The following SAMMSON variants were observed in gnomAD, a reference collection of about 807,000 sequenced individuals.
SAMMSON encodes the protein long intergenic non-protein coding RNA 1212.
chr3:70,049,307 C>T (rs779540654), intron 3 of SAMMSON, among the ~76,000 whole-genome samples: 1 of 152,080 alleles, frequency 6.6e-6, no homozygotes, highest in South Asian at 2.1e-4. Flanking sequence ...CCAGCCTTTT[C>T]CTGGGTGGCC....
intron 4 of SAMMSON, among the ~76,000 whole-genome samples, chr3:70,184,802 G>A (rs1270152109): frequency 2.0e-5 from 3 of 152,172 alleles, no homozygotes; most frequent in African/African-American, 7.2e-5. Flanking sequence ...TCCTGAAACA[G>A]AAGGCAAAAT....
At chr3:70,250,524 A>G (rs1701754703) in intron 6 of SAMMSON, among the ~76,000 whole-genome samples, 2 of 152,118 alleles carry the variant, frequency 1.3e-5, no homozygotes, top group South Asian at 4.1e-4. Flanking sequence ...TTTTAGATAA[A>G]TATTTTCAAC....
chr3:70,102,630 A>T (rs1022402674), intron 4 of SAMMSON, among the ~76,000 whole-genome samples: 3 of 152,102 alleles, frequency 2.0e-5, no homozygotes, highest in African/African-American at 7.2e-5. Flanking sequence ...TGGGTAAAGG[A>T]GGGAGAATTC....
chr3:70,298,341 C>T (rs1298152967), intron 7 of SAMMSON, among the ~76,000 whole-genome samples: 1 of 152,028 alleles, frequency 6.6e-6, no homozygotes, highest in African/African-American at 2.4e-5. Flanking sequence ...AATAAGATTT[C>T]CACTTCTCTC....
chr3:70,118,815 A>C (rs1331085124), intron 4 of SAMMSON, among the ~76,000 whole-genome samples: 1 of 152,158 alleles, frequency 6.6e-6, no homozygotes, highest in Non-Finnish European at 1.5e-5. Context: ...TCAGAAGTTA[A>C]GTAACCTGCC....
intron 6 of SAMMSON, among the ~76,000 whole-genome samples, chr3:70,285,567 A>C (rs1354049892): frequency 6.6e-6 from 1 of 151,930 alleles, no homozygotes; most frequent in Non-Finnish European, 1.5e-5. Flanking sequence ...CTTTGGGTAT[A>C]TACCCAGTAA....
intron 6 of SAMMSON, among the ~76,000 whole-genome samples, chr3:70,274,093 G>A (rs1207505727): frequency 1.7e-5 from 2 of 119,888 alleles, no homozygotes; most frequent in Non-Finnish European, 3.6e-5. Context: ...GTGTGTGTGC[G>A]CGCGCGCATG....
At chr3:70,304,097 G>T (rs1364810228) in intron 7 of SAMMSON, among the ~76,000 whole-genome samples, 1 of 152,108 alleles carries the variant, frequency 6.6e-6, no homozygotes, top group Non-Finnish European at 1.5e-5. Context: ...ATGTCAACCA[G>T]GGTCTATGAA....
intron 7 of SAMMSON, among the ~76,000 whole-genome samples, chr3:70,301,626 A>G (rs1330676521): frequency 3.9e-5 from 6 of 152,118 alleles, no homozygotes; most frequent in Non-Finnish European, 7.4e-5. Flanking sequence ...TGTTTTATCA[A>G]TCTGCGTTTG....
intron 2 of SAMMSON, among the ~76,000 whole-genome samples, chr3:70,413,116 C>T (rs927005234): frequency 3.9e-5 from 6 of 151,930 alleles, no homozygotes; most frequent in Non-Finnish European, 7.4e-5. Context: ...AATCACAATA[C>T]CAAACAAGTG....
chr3:70,199,438 T>A (rs1463254390), intron 4 of SAMMSON, among the ~76,000 whole-genome samples: 1 of 152,156 alleles, frequency 6.6e-6, no homozygotes, highest in Non-Finnish European at 1.5e-5. Flanking sequence ...TCCTTCTACC[T>A]CCCTATTTTG....
chr3:70,047,360 G>A (rs974686573), intron 3 of SAMMSON, among the ~76,000 whole-genome samples: 1 of 144,716 alleles, frequency 6.9e-6, no homozygotes, highest in Non-Finnish European at 1.5e-5. Flanking sequence ...ACAGAGTCTC[G>A]CTCTATCACC....
chr3:70,254,570 T>C (rs1182276704), intron 6 of SAMMSON, among the ~76,000 whole-genome samples: 1 of 152,090 alleles, frequency 6.6e-6, no homozygotes, highest in Non-Finnish European at 1.5e-5. Context: ...TCCCTAATGG[T>C]GAGGTGGCAG....
At chr3:70,369,240 T>C (rs1043621617) in intron 9 of SAMMSON, among the ~76,000 whole-genome samples, 14 of 151,738 alleles carry the variant, frequency 9.2e-5, no homozygotes, top group Non-Finnish European at 1.3e-4. Flanking sequence ...CTTCACTATA[T>C]TCACTTAGTT....
At chr3:70,323,111 A>G (rs541391488) in intron 7 of SAMMSON, among the ~76,000 whole-genome samples, 1 of 152,280 alleles carries the variant, frequency 6.6e-6, no homozygotes, top group Non-Finnish European at 1.5e-5. Flanking sequence ...TCAGATAAAT[A>G]AAAAGTACAA....
chr3:70,049,162 T>C (rs1186952594), intron 3 of SAMMSON, among the ~76,000 whole-genome samples: 1 of 152,154 alleles, frequency 6.6e-6, no homozygotes, highest in Non-Finnish European at 1.5e-5. Flanking sequence ...TTAGAGGTGA[T>C]TAAATTTGTG....
intron 2 of SAMMSON, among the ~76,000 whole-genome samples, chr3:70,420,093 C>T (rs2106773822): frequency 6.6e-6 from 1 of 152,222 alleles, no homozygotes; most frequent in African/African-American, 2.4e-5. Context: ...GTGAAAGGTC[C>T]CTGAATTTTC....
At chr3:70,240,482 C>A (rs1701656840) in intron 4 of SAMMSON, among the ~76,000 whole-genome samples, 1 of 151,726 alleles carries the variant, frequency 6.6e-6, no homozygotes, top group African/African-American at 2.4e-5. Flanking sequence ...GAAGTTGGAC[C>A]CTAACTAAAA....
At chr3:70,315,922 C>T (rs1161221367) in intron 7 of SAMMSON, among the ~76,000 whole-genome samples, 1 of 151,980 alleles carries the variant, frequency 6.6e-6, no homozygotes, top group Non-Finnish European at 1.5e-5. Context: ...TTCATTGAGC[C>T]CATTTAAAAT....
Sources: allele counts gnomAD v4.1 joint callset (sites outside exome capture counted in the v4.1 genomes callset), GRCh38; gene constraint gnomAD v4.1.1; transcripts MANE v1.5; gene names NCBI Gene and HGNC (gene_info 2026-07-23, HGNC 2026-07-21).